ERO1B: variants seen among roughly 807,000 people sequenced by gnomAD.
The protein encoded by ERO1B is endoplasmic reticulum oxidoreductase 1 beta, also known as ERO1-like protein beta.
A neutral mutation model predicts 75.3 loss-of-function variants in ERO1B; 49 were observed. The ratio of observed to expected loss-of-function variants is 0.65; its 90% CI spans 0.52 to 0.83. The LOEUF is 0.83. Among genes scored for constraint, ERO1B ranks in the 40% least tolerant of loss-of-function variants. The pLI is 0.00. For synonymous variants in ERO1B, 191 were observed against 192.9 expected (o/e 0.99, Z 0.08); for missense variants, 512 against 560.1 (o/e 0.91, Z 0.87).
chr1:236,253,296 C>A, intron 3 of ERO1B, 126 bp downstream of exon 3: 1 of 629,396 alleles, frequency 1.6e-6, no homozygotes, highest in Non-Finnish European at 2.8e-6. Flanking sequence ...AAGGAGAGAG[C>A]TGAGAGCATA....
intron 8 of ERO1B, among the ~76,000 whole-genome samples, chr1:236,234,042 G>T (rs1420576613): frequency 6.6e-6 from 1 of 152,182 alleles, no homozygotes; most frequent in East Asian, 1.9e-4. Context: ...TTATGACTCA[G>T]AAATGTGGAA....
At chr1:236,244,216 G>T (rs1242595525) in intron 5 of ERO1B, among the ~76,000 whole-genome samples, 12 of 151,872 alleles carry the variant, frequency 7.9e-5, no homozygotes, top group Non-Finnish European at 1.8e-4. Context: ...TAACACAAAA[G>T]GAAAAAACAA....
intron 6 of ERO1B, among the ~76,000 whole-genome samples, chr1:236,241,760 A>G (rs1214345004): frequency 1.3e-5 from 2 of 150,328 alleles, no homozygotes; most frequent in Non-Finnish European, 2.9e-5. Context: ...AATTTAAGAA[A>G]CTAATATTTT....
chr1:236,239,891 GTA>G (rs1231944397), intron 6 of ERO1B, among the ~76,000 whole-genome samples: 3,068 of 61,746 alleles, frequency 0.05, 289 homozygotes, highest in African/African-American at 0.13. Flanking sequence ...GTGTGTGTGT[GTA>G]TATATATATA....
In ERO1B at chr1:236,259,004, T is replaced by C. The variant is rs1181089012; in HGVS notation, c.223-5499A>G. On this transcript the variant is annotated intron_variant, in intron 2 of 15. Transcript: ENST00000354619. ...GTGTAAATATCAATTATATATCTAA[T>C]AGGAAAGTTAAAAGACAAAATATTA... Among the ~76,000 whole-genome samples, 8 of 152,216 alleles carry C rather than the reference T, an allele frequency of 5.3e-5. No individual in the cohort carries two copies. In the South Asian group the frequency reaches 1.2e-3, roughly 24 times the overall value.
chr1:236,249,731 T>C (rs1466113637), intron 5 of ERO1B, among the ~76,000 whole-genome samples, 154 bp downstream of exon 5: 2 of 152,192 alleles, frequency 1.3e-5, no homozygotes. Context: ...GCAAAGCTAT[T>C]ATGAAATTTA....
chr1:236,263,215 C>T (rs1475040712), intron 2 of ERO1B, among the ~76,000 whole-genome samples: 1 of 151,686 alleles, frequency 6.6e-6, no homozygotes, highest in Non-Finnish European at 1.5e-5. Flanking sequence ...ACTTGTCTAG[C>T]TCCAGGAAAA....
intron 9 of ERO1B, among the ~76,000 whole-genome samples, chr1:236,231,841 A>G (rs1558507895): frequency 6.6e-6 from 1 of 152,186 alleles, no homozygotes; most frequent in Admixed American, 6.5e-5. Flanking sequence ...TTGTGATTCA[A>G]AACACCTCAA....
intron 15 of ERO1B, among the ~76,000 whole-genome samples, chr1:236,218,901 C>T (rs1055260545): frequency 6.6e-6 from 1 of 152,048 alleles, no homozygotes; most frequent in Non-Finnish European, 1.5e-5. Context: ...TTGCTCTTTA[C>T]TCAATGTTCC....
chr1:236,258,162 A>AAAAAAAAC (rs1553373457), intron 2 of ERO1B, among the ~76,000 whole-genome samples: 1 of 136,292 alleles, frequency 7.3e-6, no homozygotes, highest in Non-Finnish European at 1.6e-5. Flanking sequence ...AAAAAAAAAA[A>AAAAAAAAC]ACCCAGCCAG....
At chr1:236,235,948 A>G in intron 7 of ERO1B, 113 bp from the exon 8 acceptor site, 1 of 930,524 alleles carries the variant, frequency 1.1e-6, no homozygotes. Context: ...TTTTTGAGAC[A>G]GAGTTTCACT....
At chr1:236,277,934 T>C (rs1177275878) in intron 1 of ERO1B, among the ~76,000 whole-genome samples, 2 of 152,204 alleles carry the variant, frequency 1.3e-5, no homozygotes, top group East Asian at 3.9e-4. Flanking sequence ...TTCTTTTTAT[T>C]TGAACACATT....
At position 236,261,976 on chromosome 1, in the gene ERO1B, G is replaced by A. The variant is rs1445698565; in HGVS notation, c.222+7899C>T. On this transcript the variant is annotated intron_variant, in intron 2 of 15. Coordinates refer to ENST00000354619, the MANE Select transcript of ERO1B (RefSeq NM_019891.4). ...AAACAAAAACAAACAAACAAAAAAA[G>A]AACAATCCTAAAATTTGTATGGATC... Among the ~76,000 whole-genome samples, 3 of 145,834 alleles carry A rather than the reference G, an allele frequency of 2.1e-5. No homozygotes were observed. In the East Asian group the frequency reaches 6.2e-4, roughly 30 times the overall value.
At chr1:236,229,820 C>G in intron 10 of ERO1B, among the ~76,000 whole-genome samples, 1 of 152,126 alleles carries the variant, frequency 6.6e-6, no homozygotes, top group East Asian at 1.9e-4. Context: ...AAATATGTTT[C>G]GAATCTTTTG....
At chr1:236,269,729 A>G (rs752124277) in intron 2 of ERO1B, 146 bp downstream of exon 2, 3 of 599,536 alleles carry the variant, frequency 5.0e-6, no homozygotes, top group Admixed American at 3.1e-5. Context: ...AAAAAGATCA[A>G]TAGGTTTCCA....
intron 1 of ERO1B, among the ~76,000 whole-genome samples, chr1:236,270,240 C>T (rs1665561238): frequency 6.6e-6 from 1 of 152,138 alleles, no homozygotes; most frequent in East Asian, 1.9e-4. Flanking sequence ...ATTCTCCTTC[C>T]TCTACTTAAA....
chr1:236,255,583 G>A lies in ERO1B; in HGVS notation c.223-2078C>T, dbSNP rs1665141702. Among the ~76,000 whole-genome samples, 3 of 152,150 alleles carry A rather than the reference G, an allele frequency of 2.0e-5. No homozygotes were observed. In the South Asian group the frequency reaches 6.2e-4, roughly 32 times the overall value. The stretch of plus-strand genomic sequence containing the variant: ...TTAAGTAAACAATATCTATATTACA[G>A]AGAAGAAGGCAAAAATAGGTAGATT... On this transcript the variant is annotated intron_variant, in intron 2 of 15. Coordinates refer to ENST00000354619, the MANE Select transcript of ERO1B (RefSeq NM_019891.4).
At chr1:236,271,992 C>G (rs1053720353) in intron 1 of ERO1B, among the ~76,000 whole-genome samples, 2 of 152,024 alleles carry the variant, frequency 1.3e-5, no homozygotes, top group Non-Finnish European at 2.9e-5. Flanking sequence ...AGACAGAAAC[C>G]TGTGTATCAC....
chr1:236,253,649 A>T (rs1161418217), intron 2 of ERO1B, 144 bp from the exon 3 acceptor site: 3 of 620,226 alleles, frequency 4.8e-6, no homozygotes, highest in Admixed American at 2.8e-5. Flanking sequence ...TTCAGAATTT[A>T]AAATGACAGC....
Sources: gnomAD v4.1 joint callset for allele counts (sites outside exome capture counted in the v4.1 genomes callset) on GRCh38, gnomAD v4.1.1 for gene constraint, MANE v1.5 for transcripts, NCBI Gene and HGNC (gene_info 2026-07-23, HGNC 2026-07-21) for gene names.